Variants in LMO1 observed in about 807,000 individuals in gnomAD.
LMO1 encodes LIM domain only 1.
A neutral mutation model predicts 18.0 loss-of-function variants in LMO1; 10 were observed. The ratio of observed to expected loss-of-function variants is 0.55; its 90% CI spans 0.34 to 0.94. The LOEUF (loss-of-function observed/expected upper bound fraction) is 0.94. Among genes scored for constraint, LMO1 ranks in the 40% least tolerant of loss-of-function variants. LMO1 has a pLI of 0.02. For missense variants in LMO1, 183 were observed against 205.7 expected (o/e 0.89, Z 0.68); for synonymous variants, 77 against 77.9 (o/e 0.99, Z 0.06).
chr11:8,226,844 C>G, intron 3 of LMO1, 131 bp downstream of exon 3: 1 of 1,422,052 alleles, frequency 7.0e-7, no homozygotes, highest in Non-Finnish European at 9.2e-7. Context: ...CGCTCATAAC[C>G]TGCACGCACC....
chr11:8,237,764 T>C (rs1952786904), intron 1 of LMO1, among the ~76,000 whole-genome samples: 1 of 152,222 alleles, frequency 6.6e-6, no homozygotes, highest in South Asian at 2.1e-4. Flanking sequence ...ACTGGCAGCT[T>C]TGACTCTGGT....
chr11:8,251,355 C>T (rs1565185343), intron 1 of LMO1, among the ~76,000 whole-genome samples: 3 of 152,192 alleles, frequency 2.0e-5, no homozygotes, highest in Admixed American at 1.3e-4. Flanking sequence ...ACAGGAGAGC[C>T]TCCTCCACCC....
At chr11:8,237,204 T>C (rs1260392195) in intron 1 of LMO1, among the ~76,000 whole-genome samples, 1 of 151,242 alleles carries the variant, frequency 6.6e-6, no homozygotes, top group Non-Finnish European at 1.5e-5. Context: ...CCCTGTCACC[T>C]TGTAAGGTGC....
chr11:8,255,474 A>C (rs189478071), intron 1 of LMO1, among the ~76,000 whole-genome samples: 200 of 152,364 alleles, frequency 1.3e-3, no homozygotes, highest in African/African-American at 4.4e-3. Flanking sequence ...ACTGCACTCC[A>C]GCCTGGGCAA....
Position 8,230,754 on chromosome 11 carries a change from C to T in LMO1, c.26-250G>A, listed in dbSNP as rs534796828. Among the ~76,000 whole-genome samples the T allele has an allele frequency of 2.6e-5, 4 of 152,352 alleles. No individual in the cohort carries two copies. In the South Asian group the frequency reaches 8.3e-4, roughly 32 times the overall value. The stretch of plus-strand genomic sequence containing the variant: ...CTCCAGAGGCTGCTCTGCTCCAAGG[C>T]ACACACAGACCCCAGGCCTGGCCTC... On this transcript the variant is annotated intron_variant, in intron 1 of 3. Transcript: ENST00000335790.
At chr11:8,252,463 C>G (rs1435331454) in intron 1 of LMO1, among the ~76,000 whole-genome samples, 3 of 152,254 alleles carry the variant, frequency 2.0e-5, no homozygotes, top group Admixed American at 6.5e-5. Flanking sequence ...GCACTCACAC[C>G]CTTGTATCAT....
At chr11:8,259,213 T>C (rs1262027086) in intron 1 of LMO1, among the ~76,000 whole-genome samples, 2 of 152,210 alleles carry the variant, frequency 1.3e-5, no homozygotes, top group Non-Finnish European at 2.9e-5. Flanking sequence ...GACCAATTTA[T>C]GTTGTTTCCC....
intron 1 of LMO1, among the ~76,000 whole-genome samples, chr11:8,246,504 G>A (rs1479049798): frequency 1.3e-5 from 2 of 152,198 alleles, no homozygotes; most frequent in African/African-American, 4.8e-5. Flanking sequence ...TATACAGACA[G>A]AAAGTAGTTT....
intron 1 of LMO1, among the ~76,000 whole-genome samples, chr11:8,239,260 A>C (rs1342708708): frequency 6.6e-6 from 1 of 152,118 alleles, no homozygotes; most frequent in Non-Finnish European, 1.5e-5. Flanking sequence ...GGACATACTT[A>C]GATCAGGGCC....
chr11:8,255,863 T>C (rs1417629750), intron 1 of LMO1, among the ~76,000 whole-genome samples: 6 of 129,150 alleles, frequency 4.6e-5, no homozygotes, highest in Non-Finnish European at 7.8e-5. Flanking sequence ...TCTCGCTCTG[T>C]CGCCCAGGCT....
At chr11:8,263,297 C>A in intron 1 of LMO1, 41 bp downstream of exon 1, 1 of 1,580,686 alleles carries the variant, frequency 6.3e-7, no homozygotes, top group South Asian at 1.1e-5. Context: ...CGGCAGGGGG[C>A]GAGGGGGTGA....
intron 1 of LMO1, among the ~76,000 whole-genome samples, chr11:8,251,233 G>A (rs1846986041): frequency 6.6e-6 from 1 of 152,208 alleles, no homozygotes; most frequent in Admixed American, 6.5e-5. Flanking sequence ...GAAAGGGGAA[G>A]GGACCAGCCT....
chr11:8,266,758 A>G (rs141974964), upstream of LMO1, among the ~76,000 whole-genome samples: 276 of 152,312 alleles, frequency 1.8e-3, no homozygotes, highest in Admixed American at 3.1e-3. Flanking sequence ...GGCCGACTAG[A>G]TATTACAGAA....
upstream of LMO1, chr11:8,268,444 A>C: frequency 6.8e-7 from 1 of 1,462,116 alleles, no homozygotes; most frequent in Non-Finnish European, 9.0e-7. Flanking sequence ...CTGGTCCAAC[A>C]CCATGGTCCC....
Position 8,257,752 on chromosome 11 carries a change from C to T in LMO1, c.25+5586G>A, listed in dbSNP as rs183000126. 5.3e-5 allele frequency among the ~76,000 whole-genome samples: 8 copies of T among 152,302 alleles called. No homozygotes were observed. The East Asian group carries it at 7.7e-4, about 15-fold the overall frequency. On this transcript the variant is annotated intron_variant, in intron 1 of 3. Coordinates refer to ENST00000335790, the MANE Select transcript of LMO1 (RefSeq NM_002315.3). ...CCTGTCTTGGTGATCTGGACGTGGG[C>T]GAGTAGTGAGGTCAGCCTGCCTCCC... is the stretch of plus-strand genomic sequence containing the variant.
intron 1 of LMO1, among the ~76,000 whole-genome samples, chr11:8,257,107 G>A (rs970653746): frequency 1.3e-5 from 2 of 152,216 alleles, no homozygotes; most frequent in African/African-American, 4.8e-5. Context: ...CATTGTGGCT[G>A]ACTTCAAGCT....
intron 1 of LMO1, among the ~76,000 whole-genome samples, chr11:8,241,763 T>C (rs1846797428): frequency 6.6e-6 from 1 of 151,360 alleles, no homozygotes; most frequent in Non-Finnish European, 1.5e-5. Flanking sequence ...CAATTTGTAA[T>C]TGTTTTACTT....
At chr11:8,254,725 T>TTCG (rs144667023) in intron 1 of LMO1, among the ~76,000 whole-genome samples, 3,940 of 151,896 alleles carry the variant, frequency 0.026, 85 homozygotes, top group Middle Eastern at 0.041. Flanking sequence ...TTCTCACAGG[T>TTCG]TCGTCACCCT....
intron 3 of LMO1, among the ~76,000 whole-genome samples, chr11:8,226,338 T>C (rs1952541282): frequency 6.6e-6 from 1 of 150,552 alleles, no homozygotes; most frequent in Non-Finnish European, 1.5e-5. Flanking sequence ...CTACTAAAAA[T>C]ATAAAAATAA....
Sources: gnomAD v4.1 joint callset for allele counts (sites outside exome capture counted in the v4.1 genomes callset) on GRCh38, gnomAD v4.1.1 for gene constraint, MANE v1.5 for transcripts, NCBI Gene and HGNC (gene_info 2026-07-23, HGNC 2026-07-21) for gene names.